MYH14: variants seen among roughly 807,000 people sequenced by gnomAD.
MYH14 encodes myosin heavy chain 14, also known as myosin-14.
MYH14 carries 123 observed loss-of-function variants against 255.5 expected under a neutral mutation model. The observed-to-expected ratio is 0.48, with a 90% CI of 0.42 to 0.56. The LOEUF is 0.56. Ranked by LOEUF, MYH14 falls within the 20% of genes least tolerant of loss-of-function variation. MYH14 has a pLI of 0.00. For synonymous variants in MYH14, 1,095 were observed against 1,161.2 expected, an observed-to-expected ratio of 0.94 and a Z score of 1.16; for missense variants, 2,423 against 2,802.3, an observed-to-expected ratio of 0.86 and a Z score of 3.06.
chr19:50,255,070 A>G lies in MYH14; in HGVS notation c.1946-150A>G, dbSNP rs574210400. On this transcript the variant is annotated intron_variant, in intron 16 of 42. Coordinates refer to ENST00000642316, the MANE Select transcript of MYH14 (RefSeq NM_001145809.2). ...TTTATGGCCAACATTCTGGTTTTCC[A>G]TCTTGCTTTGCTCTGTACTGTTGAC... 2.1e-4 allele frequency: 125 copies of G among 605,042 alleles called. No individual in the cohort carries two copies. The East Asian group carries it at 3.5e-3, about 17-fold the overall frequency. The allele number at this position is 605,042 out of a possible 1,614,324, so 37.5% of individuals were successfully genotyped here.
intron 34 of MYH14, among the ~76,000 whole-genome samples, chr19:50,288,706 G>A (rs186104403): frequency 1.3e-5 from 2 of 152,222 alleles, no homozygotes; most frequent in Admixed American, 6.5e-5. Flanking sequence ...TGCGGGAGGC[G>A]GGTGTTGCAC....
chr19:50,290,997 C>T lies in MYH14; in HGVS notation c.5076C>T (p.Ala1692=), dbSNP rs727503229. ...TGGAGGAGCTGAAGGCTCAGATGGC[C>T]TCTGCCGGCCAGGGCAAGGAGGAGG... is the stretch of plus-strand genomic sequence containing the variant. ...GELEELKAQM[A]SAGQGKEEAV... is the part of the protein sequence containing the mutation. The change falls in exon 36 of 43, where the codon GCC becomes GCT. Residue 1692 remains alanine, a synonymous_variant. Coordinates refer to ENST00000642316, the MANE Select transcript of MYH14 (RefSeq NM_001145809.2). 2.5e-6 allele frequency: 4 copies of T among 1,611,888 alleles called. No homozygotes were observed. The highest frequency in any genetic ancestry group is 2.2e-5 in the South Asian group (2 of 90,330).
At position 50,252,869 on chromosome 19, in the gene MYH14, G is replaced by C; in HGVS notation, c.1945+116G>C. ...GGTCTGAACCTGAGTTTTCTGCTCA[G>C]ACCCAGAATAGCCAGTGTCACAAAT... On this transcript the variant is annotated intron_variant, in intron 16 of 42. Coordinates refer to ENST00000642316, the MANE Select transcript of MYH14 (RefSeq NM_001145809.2). The surrounding 1 kb of genome is among the most constrained non-coding windows in gnomAD (Gnocchi z 4.2). The C allele has an allele frequency of 1.5e-6, 1 of 653,628 alleles. No individual in the cohort carries two copies. Among genetic ancestry groups the C allele is most frequent in the Non-Finnish European group, 2.6e-6 (1 of 377,652 alleles). The allele number at this position is 653,628 out of a possible 1,614,324, so 40.5% of individuals were successfully genotyped here.
rs1490496002 is a variant in MYH14, at chr19:50,217,746, G to A, written c.537G>A (p.Glu179=). The A allele has an allele frequency of 5.0e-6, 8 of 1,613,728 alleles. No individual in the cohort carries two copies. The highest frequency in any genetic ancestry group is 1.1e-5 in the South Asian group (1 of 91,094). Residue 179 remains glutamate (E), a synonymous_variant, in exon 3 of 43, where the codon GAG becomes GAA. Coordinates refer to ENST00000642316, the MANE Select transcript of MYH14 (RefSeq NM_001145809.2). ...CACCCCACGTGTACGCAGTGACCGA[G>A]GGGGCCTATCGGAGCATGCTGCAGG... ...EVPPHVYAVT[E]GAYRSMLQDR...
At chr19:50,243,505 G>A (rs998331011) in intron 10 of MYH14, among the ~76,000 whole-genome samples, 5 of 152,140 alleles carry the variant, frequency 3.3e-5, no homozygotes, top group African/African-American at 7.2e-5. Context: ...GTACACACCC[G>A]TGGTCTCAGC....
intron 39 of MYH14, among the ~76,000 whole-genome samples, chr19:50,298,236 G>A (rs576635247): frequency 1.3e-5 from 2 of 152,256 alleles, no homozygotes; most frequent in East Asian, 1.9e-4. Context: ...CCTCTGAAAT[G>A]AGGGTCCTGT....
intron 18 of MYH14, among the ~76,000 whole-genome samples, chr19:50,257,873 G>T (rs34589185): frequency 0.3 from 46,151 of 152,024 alleles, 8,602 homozygotes; most frequent in Admixed American, 0.47. Flanking sequence ...GTTAGGGAAG[G>T]TTCCCTGGGG....
chr19:50,299,815 C>G (rs1042631106), intron 39 of MYH14, among the ~76,000 whole-genome samples: 6 of 149,040 alleles, frequency 4.0e-5, no homozygotes, highest in African/African-American at 1.5e-4. Context: ...TGTGGTGGTG[C>G]GTGCCTGTAA....
At chr19:50,244,406 C>T in intron 11 of MYH14, 69 bp downstream of exon 11, 1 of 1,215,966 alleles carries the variant, frequency 8.2e-7, no homozygotes, top group Non-Finnish European at 1.2e-6. Context: ...CCTCCTGCAC[C>T]CCTGTCCCAC....
Position 50,293,298 on chromosome 19 carries a change from G to A in MYH14, c.5322G>A (p.Glu1774=), listed in dbSNP as rs2123456974. 6.2e-7 allele frequency: 1 copy of A among 1,607,280 alleles called. No homozygotes were observed. Among genetic ancestry groups the A allele is most frequent in the Non-Finnish European group, 8.5e-7 (1 of 1,177,168 alleles). ...AQQDRDEMAD[E]VANGNLSKAA... is the part of the protein sequence containing the mutation. ...AGGACCGGGATGAGATGGCAGATGA[G>A]GTGGCCAATGGTAACCTTAGCAAGT... The change falls in exon 38 of 43, where the codon GAG becomes GAA. Residue 1774 remains glutamate, a synonymous_variant. Transcript: ENST00000642316. This position sits in a 1 kb window ranked among gnomAD's most constrained non-coding sequence, Gnocchi z 4.1.
At chr19:50,285,517 A>G (rs1360432681) in intron 33 of MYH14, 3 of 152,062 alleles carry the variant, frequency 2.0e-5, no homozygotes, top group Admixed American at 2.0e-4. Flanking sequence ...TTTCATTTCC[A>G]TTTTTGATTG....
intron 21 of MYH14, 32 bp from the exon 22 acceptor site, chr19:50,263,280 C>T (rs1479622887): frequency 1.4e-6 from 2 of 1,411,728 alleles, no homozygotes; most frequent in African/African-American, 2.9e-5. Context: ...CTGGAGGCTC[C>T]CACTCTGCCC....
rs142608448 is a variant in MYH14, at chr19:50,242,817, C to T, written c.1115-1425C>T. Among the ~76,000 whole-genome samples the T allele has an allele frequency of 1.7e-3, 257 of 152,306 alleles. 2 individuals are homozygous for T. The highest frequency in any genetic ancestry group is 6.0e-3 in the African/African-American group (249 of 41,570). On this transcript the variant is annotated intron_variant, in intron 10 of 42. Transcript: ENST00000642316. ...AGTCACCGAGTGCACACTCAGCTCA[C>T]ATCAGACAGGGGTGGTGTTCTGCCT...
chr19:50,230,311 G>T lies in MYH14; in HGVS notation c.875-214G>T, dbSNP rs998693403. Among the ~76,000 whole-genome samples the T allele has an allele frequency of 3.3e-5, 5 of 152,274 alleles. No homozygotes were observed. The East Asian group carries it at 5.8e-4, about 18-fold the overall frequency. On this transcript the variant is annotated intron_variant, in intron 8 of 42. Coordinates refer to ENST00000642316, the MANE Select transcript of MYH14 (RefSeq NM_001145809.2). The surrounding 1 kb of genome is among the most constrained non-coding windows in gnomAD (Gnocchi z 4.7). ...TAAAGGTGTTATTTTCAAGCCCCTT[G>T]AACAGGTAGATGAGGAAACTGAGGC...
chr19:50,241,588 C>T (rs2033893909), intron 10 of MYH14, among the ~76,000 whole-genome samples: 1 of 151,934 alleles, frequency 6.6e-6, no homozygotes, highest in African/African-American at 2.4e-5. Context: ...AAGCAAAGAA[C>T]AGCCTTCTCT....
chr19:50,252,660 T>G lies in MYH14; in HGVS notation c.1852T>G (p.Trp618Gly), dbSNP rs761285149. ...TCAGGTCGACTACAAGGCCAACGAG[T>G]GGCTGATGAAAAACATGGACCCTCT... The part of the protein sequence containing the change: ...AGKVDYKANE[W>G]LMKNMDPLND... Residue 618 changes from tryptophan to glycine, a missense_variant, in exon 16 of 43, where the codon TGG becomes GGG. Around this residue, in one of 3 missense-constraint regions of MYH14, gnomAD observed 672 missense variants for 881.8 expected, o/e 0.76. Transcript: ENST00000642316. The surrounding 1 kb of genome is among the most constrained non-coding windows in gnomAD (Gnocchi z 4.2). The G allele has an allele frequency of 1.0e-5, 16 of 1,596,894 alleles. No individual in the cohort carries two copies. Among genetic ancestry groups the G allele is most frequent in the Non-Finnish European group, 1.4e-5 (16 of 1,172,108 alleles).
At chr19:50,264,156 G>C (rs952466436) in intron 22 of MYH14, among the ~76,000 whole-genome samples, 1 of 149,354 alleles carries the variant, frequency 6.7e-6, no homozygotes, top group African/African-American at 2.5e-5. Flanking sequence ...CTCTCTCCCA[G>C]TGAAGTTCTG....
chr19:50,278,367 G>A (rs2035588361), intron 30 of MYH14, 78 bp downstream of exon 30: 2 of 1,095,610 alleles, frequency 1.8e-6, no homozygotes, highest in South Asian at 3.5e-5. Context: ...CTTCTATTTG[G>A]TCCATATCAA....
chr19:50,283,369 C>G (rs1051695263), intron 33 of MYH14, among the ~76,000 whole-genome samples: 5 of 152,256 alleles, frequency 3.3e-5, no homozygotes, highest in African/African-American at 1.2e-4. Context: ...ATCCACCCAC[C>G]TCGGCCTCCC....
Sources: gnomAD v4.1 joint callset for allele counts (sites outside exome capture counted in the v4.1 genomes callset) on GRCh38, gnomAD v4.1.1 for gene constraint, gnomAD v4.1.1 regional missense constraint, Gnocchi (gnomAD v3.1) non-coding constraint, MANE v1.5 for transcripts, NCBI Gene and HGNC (gene_info 2026-07-23, HGNC 2026-07-21) for gene names.